NEDD1: variants seen among roughly 807,000 people sequenced by gnomAD.
The protein encoded by NEDD1 is protein NEDD1.
Under a neutral mutation model 74.0 loss-of-function variants are expected in NEDD1, and 33 were observed. The observed-to-expected ratio is 0.45, with a 90% CI of 0.34 to 0.60. NEDD1 has a LOEUF of 0.60. NEDD1 is among the 20% of genes least tolerant of loss of function. The probability of loss-of-function intolerance (pLI) is 0.01; values close to 1 mark genes in which losing one functional copy is unlikely to be tolerated. For missense variants in NEDD1, 746 were observed against 776.5 expected (o/e 0.96, Z 0.47); for synonymous variants, 250 against 264.4 (o/e 0.95, Z 0.53).
At chr12:96,951,557 T>A in intron 15 of NEDD1, 59 bp downstream of exon 15, 1 of 895,026 alleles carries the variant, frequency 1.1e-6, no homozygotes, top group Non-Finnish European at 1.8e-6. Flanking sequence ...TGTGAATTTT[T>A]AAAAATCCAT....
intron 11 of NEDD1, among the ~76,000 whole-genome samples, chr12:96,943,111 C>T (rs1877834402): frequency 6.6e-6 from 1 of 151,958 alleles, no homozygotes; most frequent in South Asian, 2.1e-4. Flanking sequence ...TTACTAGGTC[C>T]AAGCCACGTT....
chr12:96,915,964 T>C (rs1365609083), intron 4 of NEDD1, among the ~76,000 whole-genome samples: 3 of 152,196 alleles, frequency 2.0e-5, no homozygotes, highest in Admixed American at 2.0e-4. Flanking sequence ...TGAAGTGTGG[T>C]GGCACTTAAG....
At chr12:96,936,562 A>T in intron 7 of NEDD1, 49 bp from the exon 8 acceptor site, 1 of 1,297,450 alleles carries the variant, frequency 7.7e-7, no homozygotes, top group Non-Finnish European at 1.1e-6. Context: ...AAGCTAATAT[A>T]CCTGTACACA....
chr12:96,916,567 C>A (rs1161177067), intron 4 of NEDD1, among the ~76,000 whole-genome samples: 1 of 145,144 alleles, frequency 6.9e-6, no homozygotes, highest in Non-Finnish European at 1.5e-5. Flanking sequence ...CATCCATGTC[C>A]CTACAAAGGA....
chr12:96,942,779 A>C (rs1877793808), intron 11 of NEDD1, among the ~76,000 whole-genome samples, 155 bp downstream of exon 11: 1 of 152,130 alleles, frequency 6.6e-6, no homozygotes. Context: ...GACTTGGCTG[A>C]GTACCTTTGC....
chr12:96,940,493 C>G lies in NEDD1; in HGVS notation c.1202C>G (p.Thr401Ser). 6.2e-7 allele frequency: 1 copy of G among 1,606,028 alleles called. No individual in the cohort carries two copies. Among genetic ancestry groups the G allele is most frequent in the South Asian group, 1.1e-5 (1 of 90,580 alleles). The change falls in exon 10 of 16, where the codon ACT (threonine) becomes AGT (serine). Residue 401 changes from threonine (T) to serine (S), a missense_variant. Thr to Ser is a moderately conservative substitution (Grantham distance 58). Around this residue, in one of 3 missense-constraint regions of NEDD1, gnomAD observed 706 missense variants for 706.7 expected, o/e 1.00. Transcript: ENST00000266742. ...CAGGATTTCTCCAGCTTTGATGATACTGGGAAAAGTAGTTTAGGTGACATG... is the reference window on the plus strand; with the variant it reads ...CAGGATTTCTCCAGCTTTGATGATAGTGGGAAAAGTAGTTTAGGTGACATG... ...KNQDFSSFDD[T>S]GKSSLGDMFS...
intron 7 of NEDD1, 86 bp from the exon 8 acceptor site, chr12:96,936,525 C>G (rs73226537): frequency 0.012 from 10,377 of 841,546 alleles, 97 homozygotes; most frequent in Non-Finnish European, 0.014. Context: ...GTTAATAACT[C>G]TGGTTTTGGT....
At chr12:96,937,512 C>T in intron 9 of NEDD1, 119 bp downstream of exon 9, 2 of 478,098 alleles carry the variant, frequency 4.2e-6, no homozygotes, top group South Asian at 5.4e-5. Context: ...TATTTGAGTA[C>T]TTAGGTAAAA....
At chr12:96,928,681 CTTTTT>C (rs34575410) in intron 6 of NEDD1, among the ~76,000 whole-genome samples, 4 of 87,694 alleles carry the variant, frequency 4.6e-5, no homozygotes, top group African/African-American at 9.7e-5. Flanking sequence ...TAGTGTGTTT[CTTTTT>C]TTTTTTTTTT....
chr12:96,950,232 T>C (rs1402446085), intron 14 of NEDD1, among the ~76,000 whole-genome samples: 1 of 152,014 alleles, frequency 6.6e-6, no homozygotes, highest in Non-Finnish European at 1.5e-5. Flanking sequence ...TGAGATACCG[T>C]GTCACACCGA....
At chr12:96,909,729 A>G in intron 2 of NEDD1, 23 bp from the exon 3 acceptor site, 1 of 1,586,916 alleles carries the variant, frequency 6.3e-7, no homozygotes, top group Non-Finnish European at 8.6e-7. Context: ...TTTTTAAAAT[A>G]CATTGTTTTA....
chr12:96,936,519 A>G (rs1049430725), intron 7 of NEDD1, 92 bp from the exon 8 acceptor site: 60 of 797,858 alleles, frequency 7.5e-5, no homozygotes, highest in Non-Finnish European at 1.1e-4. Context: ...TGAAGTGTTA[A>G]TAACTCTGGT....
At position 96,936,600 on chromosome 12, in the gene NEDD1, C is replaced by G; in HGVS notation, c.720-11C>G. ...AACATTTCTACACATACTTTGTTCT[C>G]CTTTCCAAAGGCTAGTGAAAACTTT... On this transcript the variant is annotated splice_polypyrimidine_tract_variant and intron_variant, in intron 7 of 15. Transcript: ENST00000266742. 3 of 1,599,964 alleles carry G rather than the reference C, an allele frequency of 1.9e-6. No homozygotes were observed. The highest frequency in any genetic ancestry group is 2.6e-6 in the Non-Finnish European group (3 of 1,167,272).
intron 4 of NEDD1, among the ~76,000 whole-genome samples, 190 bp downstream of exon 4, chr12:96,913,007 G>T (rs1263377520): frequency 6.6e-6 from 1 of 152,138 alleles, no homozygotes; most frequent in African/African-American, 2.4e-5. Flanking sequence ...AGGTAAAATA[G>T]TTTTGAATAT....
intron 11 of NEDD1, 110 bp downstream of exon 11, chr12:96,942,734 C>T (rs1592924716): frequency 1.2e-5 from 8 of 661,706 alleles, no homozygotes; most frequent in Middle Eastern, 5.3e-4. Flanking sequence ...AAACATTTAT[C>T]GTCTCATAAT....
chr12:96,917,736 A>C lies in NEDD1; in HGVS notation c.347A>C (p.Lys116Thr), dbSNP rs1238726189. The change falls in exon 5 of 16, where the codon AAG (lysine) becomes ACG (threonine). Residue 116 changes from lysine to threonine, a missense_variant and splice_region_variant. By Grantham distance (78) the Lys-to-Thr change is moderately conservative. Around this residue, in one of 3 missense-constraint regions of NEDD1, gnomAD observed 706 missense variants for 706.7 expected, o/e 1.00. Transcript: ENST00000266742. ...LKSKRVHRSL[K>T]DHKDQVTCVT... ...TCAAAAAGAGTTCATCGATCTCTTA[A>C]GGTAAGCAATTTAAAAAAAATCTTC... is the stretch of plus-strand genomic sequence containing the variant. 6.5e-7 allele frequency: 1 copy of C among 1,548,460 alleles called. No individual in the cohort carries two copies. Among genetic ancestry groups the C allele is most frequent in the Non-Finnish European group, 8.6e-7 (1 of 1,159,472 alleles).
chr12:96,929,623 A>ATTTTT (rs1555202701), intron 6 of NEDD1, among the ~76,000 whole-genome samples: 334 of 126,180 alleles, frequency 2.6e-3, no homozygotes, highest in African/African-American at 8.8e-3. Flanking sequence ...ATATATATAT[A>ATTTTT]TTTTTTTTTT....
chr12:96,941,551 A>G (rs1038504829), intron 10 of NEDD1, among the ~76,000 whole-genome samples: 1 of 152,042 alleles, frequency 6.6e-6, no homozygotes. Context: ...AGAGGGACGG[A>G]TGTAGGTGGA....
chr12:96,938,909 G>T (rs911344378), intron 9 of NEDD1, among the ~76,000 whole-genome samples: 2 of 151,686 alleles, frequency 1.3e-5, no homozygotes, highest in African/African-American at 4.8e-5. Flanking sequence ...TGTCACTTCC[G>T]GCCAGGATGC....
Sources: gnomAD v4.1 joint callset for allele counts (sites outside exome capture counted in the v4.1 genomes callset) on GRCh38, gnomAD v4.1.1 for gene constraint, gnomAD v4.1.1 regional missense constraint, MANE v1.5 for transcripts, NCBI Gene and HGNC (gene_info 2026-07-23, HGNC 2026-07-21) for gene names.